EPHA6: variants seen among roughly 807,000 people sequenced by gnomAD.
EPHA6 encodes EPH receptor A6.
A neutral mutation model predicts 112.0 loss-of-function variants in EPHA6; 50 were observed. The ratio of observed to expected loss-of-function variants is 0.45; its 90% confidence interval spans 0.36 to 0.56. The LOEUF (loss-of-function observed/expected upper bound fraction) is 0.56. Among genes scored for constraint, EPHA6 ranks in the 20% least tolerant of loss-of-function variants. The pLI, the probability that EPHA6 is intolerant of heterozygous loss-of-function variation, is 0.00. For missense variants in EPHA6, 1,280 were observed against 1,417.4 expected (o/e 0.90, Z 1.56); for synonymous variants, 529 against 490.7 (o/e 1.08, Z -1.03).
intron 2 of EPHA6, among the ~76,000 whole-genome samples, chr3:96,888,474 G>A (rs753462593): frequency 5.9e-5 from 9 of 152,128 alleles, no homozygotes; most frequent in African/African-American, 1.9e-4. Flanking sequence ...GGGTCCTCTC[G>A]GGGTTGCTGG....
At chr3:97,120,029 A>C (rs1415456177) in intron 3 of EPHA6, among the ~76,000 whole-genome samples, 2 of 151,978 alleles carry the variant, frequency 1.3e-5, no homozygotes, top group Admixed American at 1.3e-4. Context: ...TTTCCTTGTA[A>C]CACTGGAATA....
At chr3:97,524,133 T>C (rs2092585229) in intron 10 of EPHA6, among the ~76,000 whole-genome samples, 1 of 146,454 alleles carries the variant, frequency 6.8e-6, no homozygotes, top group Non-Finnish European at 1.5e-5. Context: ...TTTTATTAAT[T>C]TTTTACTGAC....
At chr3:97,146,388 C>T (rs1283048033) in intron 3 of EPHA6, among the ~76,000 whole-genome samples, 1 of 151,788 alleles carries the variant, frequency 6.6e-6, no homozygotes, top group Admixed American at 6.6e-5. Context: ...CTATTATTTC[C>T]AATACTCTCT....
intron 11 of EPHA6, among the ~76,000 whole-genome samples, chr3:97,570,347 A>G (rs2093320285): frequency 6.6e-6 from 1 of 152,222 alleles, no homozygotes; most frequent in East Asian, 1.9e-4. Context: ...GTCTAAGGGC[A>G]GAGGCATTCC....
chr3:96,965,082 C>T (rs1027850005), intron 2 of EPHA6, among the ~76,000 whole-genome samples: 2 of 152,114 alleles, frequency 1.3e-5, no homozygotes, highest in African/African-American at 4.8e-5. Context: ...TGCAGGTTGG[C>T]ATTTGCCTTA....
At chr3:97,389,628 G>A (rs1471214180) in intron 5 of EPHA6, among the ~76,000 whole-genome samples, 5 of 152,012 alleles carry the variant, frequency 3.3e-5, no homozygotes, top group Non-Finnish European at 7.4e-5. Context: ...TGAACTTTCT[G>A]TATTTTTCCT....
chr3:97,502,977 AACTC>A (rs2092162185), intron 10 of EPHA6, among the ~76,000 whole-genome samples: 1 of 150,006 alleles, frequency 6.7e-6, no homozygotes, highest in Admixed American at 6.6e-5. Context: ...TTTTCAAACT[AACTC>A]TGACAAAACA....
chr3:97,015,062 A>G (rs1323883554), intron 3 of EPHA6, among the ~76,000 whole-genome samples: 1 of 152,208 alleles, frequency 6.6e-6, no homozygotes, highest in East Asian at 1.9e-4. Flanking sequence ...CACAAGTTTT[A>G]TCATTGGAGA....
At chr3:96,976,711 A>G (rs1206619514) in intron 2 of EPHA6, among the ~76,000 whole-genome samples, 4 of 152,184 alleles carry the variant, frequency 2.6e-5, no homozygotes, top group Admixed American at 2.0e-4. Context: ...TCCTCTGGCT[A>G]CATTACCCTT....
chr3:97,172,985 A>G (rs1454550331), intron 3 of EPHA6, among the ~76,000 whole-genome samples: 1 of 151,930 alleles, frequency 6.6e-6, no homozygotes, highest in African/African-American at 2.4e-5. Context: ...AATTTATTTC[A>G]GGAGCTTATA....
chr3:97,153,770 A>G (rs2076224297), intron 3 of EPHA6, among the ~76,000 whole-genome samples: 1 of 152,178 alleles, frequency 6.6e-6, no homozygotes, highest in African/African-American at 2.4e-5. Context: ...CAACTTTTAT[A>G]TGAAGCAATA....
In EPHA6 at chr3:97,673,746, C is replaced by T. The variant is rs372952486; in HGVS notation, c.2784+35664C>T. Among the ~76,000 whole-genome samples, 14 of 152,312 alleles carry T rather than the reference C, an allele frequency of 9.2e-5. No homozygotes were observed. In the South Asian group the frequency reaches 2.1e-3, roughly 23 times the overall value. The stretch of plus-strand genomic sequence containing the variant: ...GAACCTATTTGTCCAGGACTCAATG[C>T]GCTTCTGAGGGCATTGAGGAATGGA... On this transcript the variant is annotated intron_variant, in intron 14 of 17. Coordinates refer to ENST00000389672, the MANE Select transcript of EPHA6 (RefSeq NM_001080448.3).
chr3:96,982,997 A>ACT (rs1252644113), intron 2 of EPHA6, among the ~76,000 whole-genome samples: 1 of 151,242 alleles, frequency 6.6e-6, no homozygotes, highest in Non-Finnish European at 1.5e-5. Context: ...ATGGGTCTTG[A>ACT]CTTTATCCAA....
Position 97,629,076 on chromosome 3 carries a change from A to G in EPHA6, c.2575-8797A>G, listed in dbSNP as rs566165412. 5.3e-5 allele frequency among the ~76,000 whole-genome samples: 8 copies of G among 151,756 alleles called. No individual in the cohort carries two copies. The South Asian group carries it at 1.7e-3, about 32-fold the overall frequency. Reference sequence around the variant, plus strand: ...CTCTTGAATAGCTGGGACCACAGGCATACACCACCGCGCTAGCTAATTTTT... The same window carrying G: ...CTCTTGAATAGCTGGGACCACAGGCGTACACCACCGCGCTAGCTAATTTTT... On this transcript the variant is annotated intron_variant, in intron 13 of 17. Transcript: ENST00000389672.
intron 14 of EPHA6, among the ~76,000 whole-genome samples, chr3:97,684,370 AC>A (rs2032093181): frequency 1.3e-5 from 2 of 152,190 alleles, no homozygotes; most frequent in South Asian, 4.1e-4. Context: ...ATGATAATCT[AC>A]TGTTAAAAAT....
Position 97,475,364 on chromosome 3 carries a change from C to G in EPHA6, c.1907C>G (p.Ala636Gly), listed in dbSNP as rs778389704. The G allele has an allele frequency of 3.1e-6, 5 of 1,609,114 alleles. No homozygotes were observed. The East Asian group carries it at 8.9e-5, about 29-fold the overall frequency. The change falls in exon 8 of 18, where the codon GCA (alanine) becomes GGA (glycine). Residue 636 changes from alanine (A) to glycine (G), a missense_variant. Physicochemically the swap from Ala to Gly is moderately conservative, Grantham distance 60. Coordinates refer to ENST00000389672, the MANE Select transcript of EPHA6 (RefSeq NM_001080448.3). The stretch of plus-strand genomic sequence containing the variant: ...ATCTCTGTTTCAGCTTCTGACATGG[C>G]AGCAGAACAAGGACAGATTCTCGTG... The part of the protein sequence containing the change: ...FETGDETSDM[A>G]AEQGQILVIA...
chr3:96,936,934 T>G lies in EPHA6; in HGVS notation c.451-50396T>G, dbSNP rs186706435. On this transcript the variant is annotated intron_variant, in intron 2 of 17. Transcript: ENST00000389672. The stretch of plus-strand genomic sequence containing the variant: ...TTCATCCATGTCCCTACAAAGGCCA[T>G]GAACTACTCCTTTTTTATGGCTGCA... Among the ~76,000 whole-genome samples the G allele has an allele frequency of 5.3e-3, 805 of 152,324 alleles. 4 individuals are homozygous for G. Among genetic ancestry groups the G allele is most frequent in the South Asian group, 6.2e-3 (30 of 4,830 alleles).
intron 1 of EPHA6, among the ~76,000 whole-genome samples, chr3:96,816,729 A>T (rs1230913598): frequency 7.9e-5 from 12 of 152,070 alleles, no homozygotes; most frequent in Non-Finnish European, 7.4e-5. Context: ...GGATACTAAC[A>T]TAAATAAAAC....
chr3:97,534,174 A>G (rs2092729524), intron 11 of EPHA6, among the ~76,000 whole-genome samples: 2 of 152,148 alleles, frequency 1.3e-5, no homozygotes, highest in African/African-American at 4.8e-5. Context: ...GGAATGCTGT[A>G]AGAATTAAAT....
Sources: allele counts gnomAD v4.1 joint callset (sites outside exome capture counted in the v4.1 genomes callset), GRCh38; gene constraint gnomAD v4.1.1; transcripts MANE v1.5; gene names NCBI Gene and HGNC (gene_info 2026-07-23, HGNC 2026-07-21).